Variants in DPYD observed in about 807,000 individuals in gnomAD.
The protein encoded by DPYD is dihydropyrimidine dehydrogenase.
DPYD carries 109 observed loss-of-function variants against 116.2 expected under a neutral mutation model. That is an observed-to-expected ratio of 0.94 (90% CI 0.80 to 1.10). The LOEUF (loss-of-function observed/expected upper bound fraction) is 1.10, where lower values mean the gene tolerates loss of function less well. Ranked by LOEUF, DPYD falls within the 50% of genes least tolerant of loss-of-function variation. The probability of loss-of-function intolerance (pLI) is 0.00; values close to 1 mark genes in which losing one functional copy is unlikely to be tolerated. For synonymous variants in DPYD, 440 were observed against 432.0 expected, an observed-to-expected ratio of 1.02 and a Z score of -0.23; for missense variants, 1,302 against 1,254.5, an observed-to-expected ratio of 1.04 and a Z score of -0.57.
chr1:97,172,976 T>A (rs1003356470), intron 20 of DPYD, among the ~76,000 whole-genome samples: 1 of 152,120 alleles, frequency 6.6e-6, no homozygotes, highest in African/African-American at 2.4e-5. Context: ...ACTTGTTTCC[T>A]TCTAATTCCA....
intron 3 of DPYD, among the ~76,000 whole-genome samples, chr1:97,745,421 A>G (rs1213409250): frequency 2.0e-5 from 3 of 152,100 alleles, no homozygotes; most frequent in Non-Finnish European, 4.4e-5. Context: ...AAAACAATTC[A>G]AGAGAAGCAA....
chr1:97,888,577 A>G (rs1376862454), intron 1 of DPYD, among the ~76,000 whole-genome samples: 1 of 152,050 alleles, frequency 6.6e-6, no homozygotes. Flanking sequence ...CACAAAGAAC[A>G]TCAGTAAAAG....
chr1:97,633,520 C>G (rs1200535405), intron 8 of DPYD, among the ~76,000 whole-genome samples: 1 of 152,026 alleles, frequency 6.6e-6, no homozygotes, highest in Non-Finnish European at 1.5e-5. Flanking sequence ...CAAACCAAAT[C>G]ATCAACGATT....
intron 8 of DPYD, among the ~76,000 whole-genome samples, chr1:97,617,033 C>T (rs370306800): frequency 2.6e-4 from 40 of 152,186 alleles, no homozygotes; most frequent in Non-Finnish European, 4.0e-4. Flanking sequence ...GAAAACCCAT[C>T]CCTACTAAAA....
intron 13 of DPYD, among the ~76,000 whole-genome samples, chr1:97,464,992 G>A (rs1330092028): frequency 6.6e-6 from 1 of 152,178 alleles, no homozygotes; most frequent in East Asian, 1.9e-4. Context: ...CAGGAGGAGG[G>A]CTATACCCTG....
chr1:97,329,574 C>T (rs367585364), intron 16 of DPYD, among the ~76,000 whole-genome samples: 3 of 151,082 alleles, frequency 2.0e-5, no homozygotes, highest in Non-Finnish European at 2.9e-5. Flanking sequence ...TGGCAAAACC[C>T]GGTATCTACT....
At chr1:97,768,290 A>T (rs959770575) in intron 3 of DPYD, among the ~76,000 whole-genome samples, 7 of 152,308 alleles carry the variant, frequency 4.6e-5, no homozygotes, top group African/African-American at 1.7e-4. Context: ...CAAAAAAATT[A>T]AAAAATTTCC....
chr1:97,165,344 G>A (rs528690046), intron 20 of DPYD, among the ~76,000 whole-genome samples: 51 of 152,050 alleles, frequency 3.4e-4, no homozygotes, highest in Non-Finnish European at 6.6e-4. Flanking sequence ...CTCCCTGTTC[G>A]ATAAATGATG....
intron 8 of DPYD, among the ~76,000 whole-genome samples, chr1:97,609,997 A>C (rs1655837567): frequency 6.6e-6 from 1 of 152,002 alleles, no homozygotes; most frequent in Non-Finnish European, 1.5e-5. Context: ...AATGACAAAA[A>C]TCAATTCATT....
At chr1:97,716,704 T>C (rs61790066) in intron 5 of DPYD, among the ~76,000 whole-genome samples, 12,676 of 152,066 alleles carry the variant, frequency 0.083, 648 homozygotes, top group Middle Eastern at 0.11. Context: ...AATAAACAGA[T>C]GAGAAAGTTT....
At chr1:97,278,461 C>T (rs1665097535) in intron 18 of DPYD, among the ~76,000 whole-genome samples, 1 of 152,118 alleles carries the variant, frequency 6.6e-6, no homozygotes, top group African/African-American at 2.4e-5. Flanking sequence ...TGATAATGTG[C>T]CGGCACATGA....
Position 97,450,204 on chromosome 1 carries a change from G to C in DPYD, c.1760C>G (p.Ser587Cys). Residue 587 changes from serine (S) to cysteine (C), a missense_variant, in exon 14 of 23, where the codon TCC (serine) becomes TGC (cysteine). Transcript: ENST00000370192. ...SLDKDIVTNV[S>C]PRIIRGTTSG... ...GGTGGTTCCCCGGATGATTCTGGGG[G>C]AAACATTTGTCACAATGTCCTGATG... 1.9e-6 allele frequency: 3 copies of C among 1,613,626 alleles called. No individual in the cohort carries two copies. The highest frequency in any genetic ancestry group is 2.5e-6 in the Non-Finnish European group (3 of 1,179,688).
chr1:97,269,982 T>C (rs1189190240), intron 18 of DPYD, among the ~76,000 whole-genome samples: 1 of 152,228 alleles, frequency 6.6e-6, no homozygotes, highest in Non-Finnish European at 1.5e-5. Flanking sequence ...TATGAGATTA[T>C]GTCACATCAT....
intron 21 of DPYD, among the ~76,000 whole-genome samples, chr1:97,095,015 G>A (rs946316997): frequency 1.3e-5 from 2 of 152,116 alleles, no homozygotes; most frequent in Admixed American, 1.3e-4. Flanking sequence ...AAGGATCAAA[G>A]CTACAGGACA....
chr1:97,773,759 AG>A (rs1240038218), intron 3 of DPYD, among the ~76,000 whole-genome samples: 1 of 152,194 alleles, frequency 6.6e-6, no homozygotes, highest in Non-Finnish European at 1.5e-5. Context: ...GCCCAACTCC[AG>A]GGGAAGACCA....
At position 97,626,420 on chromosome 1, in the gene DPYD, T is replaced by G. The variant is rs148419462; in HGVS notation, c.851-31254A>C. ...ATTGGAAGTAAATATTTCCAATGAC[T>G]ACGACTGTTTACTACAAAGACAAGA... On this transcript the variant is annotated intron_variant, in intron 8 of 22. Transcript: ENST00000370192. Among the ~76,000 whole-genome samples, 20 of 152,070 alleles carry G rather than the reference T, an allele frequency of 1.3e-4. No homozygotes were observed. The East Asian group carries it at 3.9e-3, about 30-fold the overall frequency.
chr1:97,181,072 G>A (rs1445087656), intron 20 of DPYD, among the ~76,000 whole-genome samples: 1 of 152,104 alleles, frequency 6.6e-6, no homozygotes, highest in South Asian at 2.1e-4. Flanking sequence ...TCCATGTTCT[G>A]TACTATCTCA....
chr1:97,286,549 A>T (rs1207954158), intron 18 of DPYD, among the ~76,000 whole-genome samples: 1 of 152,054 alleles, frequency 6.6e-6, no homozygotes, highest in East Asian at 1.9e-4. Flanking sequence ...CGTCACTTTC[A>T]GGTACACCAA....
rs544960179 is a variant in DPYD at position 97,826,580 on chromosome 1, T to C, written c.233+1534A>G. ...AATATTGGCATGCATGTTTACTGTATTTAAACTTATCATAATAAGCATTTA... is the reference window on the plus strand; with the variant it reads ...AATATTGGCATGCATGTTTACTGTACTTAAACTTATCATAATAAGCATTTA... On this transcript the variant is annotated intron_variant, in intron 3 of 22. Transcript: ENST00000370192. 5.3e-5 allele frequency among the ~76,000 whole-genome samples: 8 copies of C among 152,290 alleles called. No individual in the cohort carries two copies. In the South Asian group the frequency reaches 1.7e-3, roughly 32 times the overall value.
Sources: gnomAD v4.1 joint callset for allele counts (sites outside exome capture counted in the v4.1 genomes callset) on GRCh38, gnomAD v4.1.1 for gene constraint, MANE v1.5 for transcripts, NCBI Gene and HGNC (gene_info 2026-07-23, HGNC 2026-07-21) for gene names.